The following GRID2 variants were observed in gnomAD, a reference collection of about 807,000 sequenced individuals.
GRID2 encodes the protein glutamate receptor ionotropic, delta-2.
A neutral mutation model predicts 114.8 loss-of-function variants in GRID2; 33 were observed. That is an observed-to-expected ratio of 0.29 (90% CI 0.22 to 0.38). The LOEUF (loss-of-function observed/expected upper bound fraction) is 0.38. Ranked by LOEUF, GRID2 falls within the 10% of genes least tolerant of loss-of-function variation. GRID2 has a pLI of 1.00. For missense variants in GRID2, 1,184 were observed against 1,257.7 expected (o/e 0.94, Z 0.89); for synonymous variants, 505 against 449.9 (o/e 1.12, Z -1.55).
intron 4 of GRID2, among the ~76,000 whole-genome samples, chr4:93,206,924 C>G (rs1339593634): frequency 2.6e-5 from 4 of 151,952 alleles, no homozygotes; most frequent in African/African-American, 9.7e-5. Flanking sequence ...GAGCAGTTTA[C>G]TTAGTCAAAA....
At chr4:92,386,580 A>G (rs539591030) in intron 1 of GRID2, among the ~76,000 whole-genome samples, 1 of 151,988 alleles carries the variant, frequency 6.6e-6, no homozygotes, top group Non-Finnish European at 1.5e-5. Context: ...AAGTTGTAAC[A>G]TCAAAAAATA....
intron 2 of GRID2, among the ~76,000 whole-genome samples, chr4:92,819,598 G>T (rs1741136218): frequency 6.6e-6 from 1 of 152,066 alleles, no homozygotes; most frequent in East Asian, 1.9e-4. Flanking sequence ...TTTGGAGTCA[G>T]TTTAATTAAT....
chr4:93,039,917 A>G (rs1193499822), intron 2 of GRID2, among the ~76,000 whole-genome samples: 1 of 152,152 alleles, frequency 6.6e-6, no homozygotes, highest in Admixed American at 6.6e-5. Flanking sequence ...GTGTGCAAAA[A>G]GTTGGGCTAC....
chr4:93,445,975 T>G (rs940780267), intron 10 of GRID2, among the ~76,000 whole-genome samples: 1 of 151,972 alleles, frequency 6.6e-6, no homozygotes, highest in African/African-American at 2.4e-5. Flanking sequence ...GAACCAGGAA[T>G]TGGCAGATTT....
intron 2 of GRID2, among the ~76,000 whole-genome samples, chr4:92,626,204 A>G (rs1254039348): frequency 6.6e-6 from 1 of 152,044 alleles, no homozygotes; most frequent in Non-Finnish European, 1.5e-5. Flanking sequence ...GGGGGTATCT[A>G]TAATCAGAAC....
At chr4:92,397,343 T>C (rs1730543886) in intron 1 of GRID2, among the ~76,000 whole-genome samples, 1 of 12,990 alleles carries the variant, frequency 7.7e-5, no homozygotes, top group South Asian at 2.9e-3. Flanking sequence ...TGTGTTTGTA[T>C]GTGTGTGTGT....
chr4:93,743,995 A>G (rs1731628524), intron 14 of GRID2, among the ~76,000 whole-genome samples: 1 of 152,162 alleles, frequency 6.6e-6, no homozygotes, highest in African/African-American at 2.4e-5. Flanking sequence ...AATTATGCCA[A>G]ATCTTCTACT....
intron 2 of GRID2, among the ~76,000 whole-genome samples, chr4:92,935,210 A>G (rs1325279589): frequency 6.8e-6 from 1 of 146,468 alleles, no homozygotes; most frequent in African/African-American, 2.4e-5. Flanking sequence ...CAACCCCATC[A>G]AAAAGTGGGC....
intron 2 of GRID2, among the ~76,000 whole-genome samples, chr4:92,790,477 G>T (rs926269168): frequency 6.6e-6 from 1 of 151,760 alleles, no homozygotes; most frequent in African/African-American, 2.4e-5. Flanking sequence ...AAGCAGTGGT[G>T]GATTCACAGC....
intron 14 of GRID2, among the ~76,000 whole-genome samples, chr4:93,724,397 G>A (rs1729655482): frequency 6.6e-6 from 1 of 152,052 alleles, no homozygotes; most frequent in South Asian, 2.1e-4. Flanking sequence ...ATCTTCATAG[G>A]TAGTTACTTA....
intron 2 of GRID2, among the ~76,000 whole-genome samples, chr4:93,018,655 T>C (rs1157922229): frequency 6.6e-6 from 1 of 151,942 alleles, no homozygotes; most frequent in Non-Finnish European, 1.5e-5. Context: ...AATTTCAAAA[T>C]TGAGTATATC....
At chr4:92,601,445 TGAAATCAAGGCA>T (rs1365967841) in intron 2 of GRID2, among the ~76,000 whole-genome samples, 1 of 152,118 alleles carries the variant, frequency 6.6e-6, no homozygotes, top group Non-Finnish European at 1.5e-5. Context: ...GGATAAATCA[TGAAATCAAGGCA>T]GAAATCAAGA....
chr4:92,696,406 T>C lies in GRID2; in HGVS notation c.244+106120T>C, dbSNP rs539493054. Reference sequence around the variant, plus strand: ...TAGGCTTAATGCTGTATACATAAATTTTCATCAAATCTTGCTCCCAAATAT... The same window carrying C: ...TAGGCTTAATGCTGTATACATAAATCTTCATCAAATCTTGCTCCCAAATAT... On this transcript the variant is annotated intron_variant, in intron 2 of 15. Transcript: ENST00000282020. Among the ~76,000 whole-genome samples, 17 of 152,262 alleles carry C rather than the reference T, an allele frequency of 1.1e-4. No individual in the cohort carries two copies. In the South Asian group the frequency reaches 1.9e-3, roughly 17 times the overall value.
intron 9 of GRID2, among the ~76,000 whole-genome samples, chr4:93,412,209 G>A (rs1767243537): frequency 6.6e-6 from 1 of 151,456 alleles, no homozygotes; most frequent in Non-Finnish European, 1.5e-5. Flanking sequence ...AGACAAGCCT[G>A]GGCAGCATAG....
chr4:92,770,698 C>T (rs1046241001), intron 2 of GRID2, among the ~76,000 whole-genome samples: 7 of 152,066 alleles, frequency 4.6e-5, no homozygotes, highest in Non-Finnish European at 1.0e-4. Context: ...ATTTTTAAAA[C>T]CATCAGATCT....
At chr4:93,602,527 C>T (rs903462956) in intron 13 of GRID2, among the ~76,000 whole-genome samples, 1 of 152,132 alleles carries the variant, frequency 6.6e-6, no homozygotes, top group African/African-American at 2.4e-5. Flanking sequence ...ATTATATCTG[C>T]TGAAGTGATC....
intron 13 of GRID2, among the ~76,000 whole-genome samples, chr4:93,535,503 C>T (rs1017373016): frequency 6.6e-6 from 1 of 151,938 alleles, no homozygotes; most frequent in Non-Finnish European, 1.5e-5. Flanking sequence ...TAAAAATTGA[C>T]ATTCCCACCA....
intron 2 of GRID2, among the ~76,000 whole-genome samples, chr4:92,896,008 A>G (rs938760900): frequency 1.3e-5 from 2 of 152,206 alleles, no homozygotes; most frequent in Non-Finnish European, 2.9e-5. Context: ...AAAATGAATT[A>G]TTTTTGATTT....
At chr4:92,940,195 T>A (rs1750997496) in intron 2 of GRID2, among the ~76,000 whole-genome samples, 3 of 147,294 alleles carry the variant, frequency 2.0e-5, no homozygotes, top group African/African-American at 7.3e-5. Context: ...TTCCTACCCA[T>A]GAGCATGGAA....
Sources: allele counts gnomAD v4.1 joint callset (sites outside exome capture counted in the v4.1 genomes callset), GRCh38; gene constraint gnomAD v4.1.1; transcripts MANE v1.5; gene names NCBI Gene and HGNC (gene_info 2026-07-23, HGNC 2026-07-21).